Variants in KRT27 observed in about 807,000 individuals in gnomAD.
The protein encoded by KRT27 is keratin 27, also known as keratin, type I cytoskeletal 27.
A neutral mutation model predicts 45.3 loss-of-function variants in KRT27; 30 were observed. The observed-to-expected ratio is 0.66, with a 90% CI of 0.50 to 0.90. The LOEUF (loss-of-function observed/expected upper bound fraction) is 0.90. Ranked by LOEUF, KRT27 falls within the 40% of genes least tolerant of loss-of-function variation. The probability of loss-of-function intolerance (pLI) is 0.00; values close to 1 mark genes in which losing one functional copy is unlikely to be tolerated. For synonymous variants in KRT27, 204 were observed against 223.9 expected, an observed-to-expected ratio of 0.91 and a Z score of 0.79; for missense variants, 610 against 564.3, an observed-to-expected ratio of 1.08 and a Z score of -0.82.
chr17:40,779,961 G>T, intron 3 of KRT27, 100 bp from the exon 4 acceptor site: 1 of 1,318,036 alleles, frequency 7.6e-7, no homozygotes, highest in Non-Finnish European at 1.0e-6. Flanking sequence ...AAATGCAGTG[G>T]TGCAATTATG....
rs763395417 is a variant in KRT27, at chr17:40,782,206, G to A, written c.288C>T (p.Ala96=). The A allele has an allele frequency of 3.1e-6, 5 of 1,614,216 alleles. No individual in the cohort carries two copies. The South Asian group carries it at 3.3e-5, about 11-fold the overall frequency. ...VTMQNLNDRL[A]SYLENVRALE... ...GGGCTCGAACATTCTCCAGGTAGGA[G>A]GCCAAGCGGTCGTTGAGGTTCTGCA... is the stretch of plus-strand genomic sequence containing the variant. Residue 96 remains alanine (A), a synonymous_variant, in exon 1 of 8, where the codon GCC becomes GCT. Transcript: ENST00000301656.
At position 40,779,961 on chromosome 17, in the gene KRT27, G is replaced by A. The variant is rs1031672167; in HGVS notation, c.685-100C>T. On this transcript the variant is annotated intron_variant, in intron 3 of 7. Coordinates refer to ENST00000301656, the MANE Select transcript of KRT27 (RefSeq NM_181537.4). ...CTGATGCCTAGGCTGAAATGCAGTG[G>A]TGCAATTATGACTCACTGCAGCCTC... The A allele has an allele frequency of 9.9e-6, 13 of 1,317,920 alleles. No individual in the cohort carries two copies. In the African/African-American group the frequency reaches 1.3e-4, roughly 13 times the overall value. The allele number at this position is 1,317,920 out of a possible 1,614,324, so 81.6% of individuals were successfully genotyped here. A position where few individuals can be genotyped will look rare whatever the true frequency, so the allele number is the denominator to read the frequency against.
chr17:40,778,634 G>C (rs982550085), intron 5 of KRT27, among the ~76,000 whole-genome samples: 3 of 151,966 alleles, frequency 2.0e-5, no homozygotes, highest in African/African-American at 7.2e-5. Context: ...CGGAAGTGCT[G>C]GGCAAACCCT....
rs980194122 is a variant in KRT27 at position 40,782,041 on chromosome 17, G to A, written c.444+9C>T. On this transcript the variant is annotated intron_variant, in intron 1 of 7. Coordinates refer to ENST00000301656, the MANE Select transcript of KRT27 (RefSeq NM_181537.4). Reference sequence around the variant, plus strand: ...GGAGTGCTAACACTCACGCCATGGCGTTTCTTACCTGGTTCTTAAGTTCGT... The same window carrying A: ...GGAGTGCTAACACTCACGCCATGGCATTTCTTACCTGGTTCTTAAGTTCGT... The A allele has an allele frequency of 2.5e-5, 40 of 1,604,418 alleles. No homozygotes were observed. Among genetic ancestry groups the A allele is most frequent in the South Asian group, 1.4e-4 (13 of 90,728 alleles).
chr17:40,780,191 A>G (rs2038298389), intron 3 of KRT27, 109 bp downstream of exon 3: 7 of 1,123,374 alleles, frequency 6.2e-6, no homozygotes, highest in Admixed American at 2.9e-5. Flanking sequence ...GGAGAAACTG[A>G]CAGGTTCCTT....
chr17:40,781,407 T>C (rs2038310360), intron 1 of KRT27, 137 bp from the exon 2 acceptor site: 7 of 590,768 alleles, frequency 1.2e-5, no homozygotes, highest in Admixed American at 5.9e-5. Context: ...CTTTTGAAGA[T>C]GGGTAATTTA....
In KRT27 at chr17:40,782,308, C is replaced by G; in HGVS notation, c.186G>C (p.Leu62=). 6.2e-7 allele frequency: 1 copy of G among 1,614,156 alleles called. No homozygotes were observed. The highest frequency in any genetic ancestry group is 8.5e-7 in the Non-Finnish European group (1 of 1,180,008). Residue 62 remains leucine, a synonymous_variant, in exon 1 of 8, where the codon CTG becomes CTC. Coordinates refer to ENST00000301656, the MANE Select transcript of KRT27 (RefSeq NM_181537.4). ...CAGCACAGGAAGCACTTCCCCCGCCCAGACCTCCGCCATAGCCTCCTGCAG... is the reference window on the plus strand; with the variant it reads ...CAGCACAGGAAGCACTTCCCCCGCCGAGACCTCCGCCATAGCCTCCTGCAG... ...SSSAGGYGGG[L]GGGSASCAAF...
intron 3 of KRT27, 89 bp from the exon 4 acceptor site, chr17:40,779,950 G>A: frequency 1.4e-6 from 2 of 1,400,094 alleles, no homozygotes; most frequent in Admixed American, 2.4e-5. Context: ...TGCCTAGGCT[G>A]AAATGCAGTG....
intron 2 of KRT27, among the ~76,000 whole-genome samples, 175 bp from the exon 3 acceptor site, chr17:40,780,631 C>T (rs1248832171): frequency 3.3e-5 from 5 of 151,978 alleles, no homozygotes; most frequent in African/African-American, 1.2e-4. Context: ...GAGGCAGAGG[C>T]GGGCGGATCA....
In KRT27 at chr17:40,778,403, C is replaced by T. The variant is rs1201173863; in HGVS notation, c.973-671G>A. 2.6e-5 allele frequency among the ~76,000 whole-genome samples: 4 copies of T among 152,296 alleles called. No homozygotes were observed. The East Asian group carries it at 7.7e-4, about 29-fold the overall frequency. Reference sequence around the variant, plus strand: ...ATTTTATATACATTCATAGCCTCATCTGTGGATAAACTCTGGTGGTTTACT... The same window carrying T: ...ATTTTATATACATTCATAGCCTCATTTGTGGATAAACTCTGGTGGTTTACT... On this transcript the variant is annotated intron_variant, in intron 5 of 7. Transcript: ENST00000301656.
chr17:40,778,841 C>T lies in KRT27; in HGVS notation c.972+661G>A, dbSNP rs199900550. ...CTCTTTAAGCAGTAGGATTTTTTTT[C>T]TTTTTTTTTAAATGGACACATAAGA... On this transcript the variant is annotated intron_variant, in intron 5 of 7. Transcript: ENST00000301656. Among the ~76,000 whole-genome samples the T allele has an allele frequency of 6.6e-5, 10 of 150,690 alleles. No individual in the cohort carries two copies. The East Asian group carries it at 7.8e-4, about 12-fold the overall frequency.
intron 5 of KRT27, 63 bp from the exon 6 acceptor site, chr17:40,777,795 A>AT: frequency 6.8e-7 from 1 of 1,478,102 alleles, no homozygotes; most frequent in South Asian, 1.2e-5. Context: ...AAGCCAAAGC[A>AT]TTTAAGAGAT....
At chr17:40,780,228 T>C (rs2143033423) in intron 3 of KRT27, 72 bp downstream of exon 3, 1 of 1,412,668 alleles carries the variant, frequency 7.1e-7, no homozygotes, top group East Asian at 2.4e-5. Context: ...AGACATTATA[T>C]TTATCATCTG....
At chr17:40,780,585 G>T (rs1442171225) in intron 2 of KRT27, 129 bp from the exon 3 acceptor site, 6 of 828,322 alleles carry the variant, frequency 7.2e-6, no homozygotes, top group Non-Finnish European at 1.1e-5. Context: ...TTCAGGCCGG[G>T]CGCGGTGGCT....
chr17:40,777,805 T>G, intron 5 of KRT27, 73 bp from the exon 6 acceptor site: 5 of 1,418,610 alleles, frequency 3.5e-6, no homozygotes, highest in Non-Finnish European at 4.9e-6. Flanking sequence ...ATTTAAGAGA[T>G]AATTAAGAGA....
chr17:40,776,891 T>G lies in KRT27; in HGVS notation c.*108A>C. On this transcript the variant is annotated 3_prime_UTR_variant, in exon 8 of 8. Transcript: ENST00000301656. ...ATGGTACTATTCTAAAAATAACTTG[T>G]CTTAATTCATTGGAAGAAAAGCAGA... 1 of 1,005,470 alleles carries G rather than the reference T, an allele frequency of 9.9e-7. No homozygotes were observed. Among genetic ancestry groups the G allele is most frequent in the Non-Finnish European group, 1.5e-6 (1 of 680,420 alleles). The allele number at this position is 1,005,470 out of a possible 1,614,324, so 62.3% of individuals were successfully genotyped here.
intron 5 of KRT27, 147 bp downstream of exon 5, chr17:40,779,355 T>C: frequency 1.5e-5 from 14 of 961,862 alleles, no homozygotes; most frequent in Non-Finnish European, 1.9e-5. Context: ...AAGAGGATTG[T>C]CATGTGCAAA....
At chr17:40,777,474 C>A (rs2038275591) in intron 6 of KRT27, 41 bp downstream of exon 6, 1 of 1,601,422 alleles carries the variant, frequency 6.2e-7, no homozygotes, top group East Asian at 2.2e-5. Flanking sequence ...TCTTTAGTAA[C>A]CTTAAAAATG....
In KRT27 at chr17:40,781,251, C is replaced by T. The variant is rs1385107270; in HGVS notation, c.464G>A (p.Ser155Asn). 3 of 1,607,820 alleles carry T rather than the reference C, an allele frequency of 1.9e-6. No individual in the cohort carries two copies. Among genetic ancestry groups the T allele is most frequent in the Non-Finnish European group, 2.6e-6 (3 of 1,175,454 alleles). Reference sequence around the variant, plus strand: ...ATTTTGCAGGACAACATGGGCATTACTGGTAGTTGCAGAAATTATCTGACA... The same window carrying T: ...ATTTTGCAGGACAACATGGGCATTATTGGTAGTTGCAGAAATTATCTGACA... ...LKNQIISATT[S>N]NAHVVLQNDN... Residue 155 changes from serine (S) to asparagine (N), a missense_variant, in exon 2 of 8, where the codon AGT (serine) becomes AAT (asparagine). Transcript: ENST00000301656.
Sources: allele counts gnomAD v4.1 joint callset (sites outside exome capture counted in the v4.1 genomes callset), GRCh38; gene constraint gnomAD v4.1.1; transcripts MANE v1.5; gene names NCBI Gene and HGNC (gene_info 2026-07-23, HGNC 2026-07-21).